Variants in OR3A2 observed in about 807,000 individuals in gnomAD.
OR3A2 encodes the protein olfactory receptor family 3 subfamily A member 2, also known as olfactory receptor 3A2.
For synonymous variants in OR3A2, 126 were observed against 159.3 expected (o/e 0.79, Z 1.57); for missense variants, 318 against 392.8 (o/e 0.81, Z 1.61).
At chr17:3,354,161 T>C (rs142632655) in intron 2 of OR3A2, among the ~76,000 whole-genome samples, 70 of 151,836 alleles carry the variant, frequency 4.6e-4, no homozygotes, top group Middle Eastern at 3.4e-3. Flanking sequence ...TTAATGTGTC[T>C]GTGTCTGTTT....
chr17:3,379,459 C>T (rs1392900115), intron 2 of OR3A2, among the ~76,000 whole-genome samples: 1 of 152,198 alleles, frequency 6.6e-6, no homozygotes, highest in Non-Finnish European at 1.5e-5. Context: ...CAAAGAACAG[C>T]TCCACATGGG....
At position 3,289,861 on chromosome 17, in the gene OR3A2, T is replaced by C. The variant is rs1442735023; in HGVS notation, c.-84-10708A>G. On this transcript the variant is annotated intron_variant, in intron 3 of 4. Transcript: ENST00000573491. ...CTTTGTGTCCCTGAAGTTTGTCTGA[T>C]GATGCAATAAATCAGAAAAAGGCAT... 3.9e-5 allele frequency among the ~76,000 whole-genome samples: 6 copies of C among 152,132 alleles called. No homozygotes were observed. The East Asian group carries it at 1.2e-3, about 29-fold the overall frequency.
chr17:3,361,297 G>C (rs1293664474), intron 2 of OR3A2, among the ~76,000 whole-genome samples: 3 of 151,462 alleles, frequency 2.0e-5, no homozygotes, highest in Non-Finnish European at 4.4e-5. Flanking sequence ...TTGCTTATCA[G>C]CTTAAGGAGA....
At chr17:3,378,441 C>T (rs532108107) in intron 2 of OR3A2, among the ~76,000 whole-genome samples, 2 of 152,326 alleles carry the variant, frequency 1.3e-5, no homozygotes, top group South Asian at 2.1e-4. Flanking sequence ...AGAGCAGGCA[C>T]TTTCAAGCCC....
At chr17:3,377,549 C>T (rs770514055) in intron 2 of OR3A2, 5 of 152,152 alleles carry the variant, frequency 3.3e-5, no homozygotes, top group Admixed American at 6.5e-5. Context: ...GGCGTTTGTT[C>T]CTCGGGCTTT....
chr17:3,286,705 G>A (rs1298893695), upstream of OR3A2, among the ~76,000 whole-genome samples: 1 of 152,008 alleles, frequency 6.6e-6, no homozygotes, highest in Non-Finnish European at 1.5e-5. Flanking sequence ...CATGTTTGTT[G>A]GCTGCATAAA....
At chr17:3,321,013 A>C (rs1354985228) in intron 3 of OR3A2, among the ~76,000 whole-genome samples, 1 of 152,188 alleles carries the variant, frequency 6.6e-6, no homozygotes, top group African/African-American at 2.4e-5. Context: ...ACCCATGAGC[A>C]TGGAATGTGT....
chr17:3,375,620 T>G (rs556599709), intron 2 of OR3A2, among the ~76,000 whole-genome samples: 28 of 152,234 alleles, frequency 1.8e-4, no homozygotes, highest in Non-Finnish European at 2.6e-4. Context: ...TCTTCTTGGT[T>G]TGGGTCCATT....
intron 3 of OR3A2, among the ~76,000 whole-genome samples, chr17:3,304,817 A>G (rs370539384): frequency 6.6e-6 from 1 of 151,346 alleles, no homozygotes; most frequent in African/African-American, 2.4e-5. Flanking sequence ...GGAATACTTC[A>G]GCAATAAAAA....
intron 2 of OR3A2, among the ~76,000 whole-genome samples, chr17:3,368,955 T>G (rs2049587093): frequency 6.6e-6 from 1 of 152,212 alleles, no homozygotes; most frequent in Non-Finnish European, 1.5e-5. Flanking sequence ...TTTCATCTCC[T>G]TGGTTAGCTA....
intron 2 of OR3A2, among the ~76,000 whole-genome samples, chr17:3,375,139 CTTTTTTTTTT>C (rs552615698): frequency 7.0e-5 from 2 of 28,702 alleles, no homozygotes; most frequent in Non-Finnish European, 1.3e-4. Context: ...AGCCTTCTTC[CTTTTTTTTTT>C]TTTTTTTTTT....
intron 2 of OR3A2, among the ~76,000 whole-genome samples, chr17:3,358,815 T>A (rs1177909776): frequency 2.0e-5 from 3 of 151,700 alleles, no homozygotes; most frequent in Non-Finnish European, 4.4e-5. Context: ...CAGTGTTGAG[T>A]TTAGGTCCTA....
At chr17:3,333,559 T>C (rs1424260820) in intron 3 of OR3A2, among the ~76,000 whole-genome samples, 1 of 152,182 alleles carries the variant, frequency 6.6e-6, no homozygotes, top group Non-Finnish European at 1.5e-5. Flanking sequence ...GACCTGCCAA[T>C]ATGTGATGTC....
chr17:3,309,533 A>G (rs571474380), intron 3 of OR3A2, among the ~76,000 whole-genome samples: 53 of 152,216 alleles, frequency 3.5e-4, no homozygotes, highest in South Asian at 6.2e-4. Context: ...CTGGAGACTC[A>G]CCCTACTCAA....
At chr17:3,346,670 C>T (rs1020866642) in intron 2 of OR3A2, among the ~76,000 whole-genome samples, 3 of 151,580 alleles carry the variant, frequency 2.0e-5, no homozygotes, top group Non-Finnish European at 4.4e-5. Flanking sequence ...ACCCATTATC[C>T]ATCCGCACCT....
intron 3 of OR3A2, among the ~76,000 whole-genome samples, chr17:3,331,697 A>G (rs554764610): frequency 4.6e-5 from 7 of 151,794 alleles, no homozygotes; most frequent in East Asian, 3.9e-4. Flanking sequence ...GATAGTCTGA[A>G]GCCTTCTTCT....
At chr17:3,312,657 C>T (rs1361105104) in intron 3 of OR3A2, among the ~76,000 whole-genome samples, 1 of 152,170 alleles carries the variant, frequency 6.6e-6, no homozygotes, top group Non-Finnish European at 1.5e-5. Flanking sequence ...TGGAGTTTCG[C>T]TCGGTCGCCC....
intron 2 of OR3A2, among the ~76,000 whole-genome samples, chr17:3,371,566 G>T: frequency 7.0e-6 from 1 of 141,976 alleles, no homozygotes; most frequent in African/African-American, 2.6e-5. Flanking sequence ...GCCGGGCGGG[G>T]GGCTGATTCC....
intron 3 of OR3A2, among the ~76,000 whole-genome samples, chr17:3,309,650 T>A (rs952172874): frequency 6.6e-6 from 1 of 152,106 alleles, no homozygotes; most frequent in African/African-American, 2.4e-5. Context: ...ACTTGGAAAA[T>A]CTAAAAGGCT....
Sources: allele counts gnomAD v4.1 joint callset (sites outside exome capture counted in the v4.1 genomes callset), GRCh38; gene constraint gnomAD v4.1.1; transcripts MANE v1.5; gene names NCBI Gene and HGNC (gene_info 2026-07-23, HGNC 2026-07-21).